SERGEF: variants seen among roughly 807,000 people sequenced by gnomAD.
SERGEF encodes secretion-regulating guanine nucleotide exchange factor.
In SERGEF, 51 loss-of-function variants were observed where a neutral mutation model predicts 50.0. The ratio of observed to expected loss-of-function variants is 1.02; its 90% CI spans 0.81 to 1.29. SERGEF has a LOEUF of 1.29. Ranked by LOEUF, SERGEF falls within the 50% of genes most tolerant of loss-of-function variation. The pLI is 0.00. For missense variants in SERGEF, 521 were observed against 557.0 expected, an observed-to-expected ratio of 0.94 and a Z score of 0.65; for synonymous variants, 205 against 212.4, an observed-to-expected ratio of 0.97 and a Z score of 0.30.
At chr11:17,879,618 G>A (rs1851303113) in intron 9 of SERGEF, among the ~76,000 whole-genome samples, 1 of 152,210 alleles carries the variant, frequency 6.6e-6, no homozygotes, top group African/African-American at 2.4e-5. Context: ...TTGTCTGTCT[G>A]TGCTTGACTT....
At chr11:17,875,893 G>C (rs1039252937) in intron 10 of SERGEF, among the ~76,000 whole-genome samples, 2 of 152,220 alleles carry the variant, frequency 1.3e-5, no homozygotes, top group African/African-American at 4.8e-5. Flanking sequence ...AAGGGCTAGA[G>C]TTCAGGGAAT....
chr11:18,013,046 G>A lies in SERGEF; in HGVS notation c.-36C>T, dbSNP rs560481318. The A allele has an allele frequency of 1.3e-4, 179 of 1,327,004 alleles. No individual in the cohort carries two copies. The highest frequency in any genetic ancestry group is 1.6e-4 in the Non-Finnish European group (169 of 1,045,368). 82.2% of individuals were successfully genotyped at this position (1,327,004 alleles called of 1,614,324 possible). A position where few individuals can be genotyped will look rare whatever the true frequency, so the allele number is the denominator to read the frequency against. On this transcript the variant is annotated 5_prime_UTR_variant, in exon 1 of 11. Transcript: ENST00000265965. This position sits in a 1 kb window ranked among gnomAD's most constrained non-coding sequence, Gnocchi z 4.3. ...TCCGCCGGCGCTTCCGGGAGGGACG[G>A]CACGGGGGCGGCGCCTGCCGGGGGT...
chr11:17,881,452 C>G (rs473868), intron 9 of SERGEF, among the ~76,000 whole-genome samples: 105,165 of 152,180 alleles, frequency 0.69, 37,147 homozygotes, highest in African/African-American at 0.83. Flanking sequence ...GAGGTCAGGA[C>G]ACTGAACACC....
intron 10 of SERGEF, among the ~76,000 whole-genome samples, chr11:17,815,878 C>T (rs1246319931): frequency 2.0e-5 from 3 of 151,110 alleles, no homozygotes; most frequent in Non-Finnish European, 4.4e-5. Context: ...TCCCAGATTG[C>T]GCCACTGCAC....
chr11:17,916,022 A>T (rs952253717), intron 9 of SERGEF, among the ~76,000 whole-genome samples: 1 of 152,242 alleles, frequency 6.6e-6, no homozygotes, highest in Non-Finnish European at 1.5e-5. Context: ...GTGGGCAAAC[A>T]AACTGGCCTG....
intron 10 of SERGEF, among the ~76,000 whole-genome samples, chr11:17,790,605 G>A (rs1398124878): frequency 2.0e-5 from 3 of 152,086 alleles, no homozygotes; most frequent in African/African-American, 7.2e-5. Context: ...AGACAGTATT[G>A]CAATGAAAGT....
At chr11:17,826,752 G>A (rs894815982) in intron 10 of SERGEF, among the ~76,000 whole-genome samples, 3 of 152,200 alleles carry the variant, frequency 2.0e-5, no homozygotes, top group Non-Finnish European at 4.4e-5. Context: ...CCAGGGCTGT[G>A]AGGAATCTAA....
At chr11:17,803,367 T>C (rs1209908920) in intron 10 of SERGEF, among the ~76,000 whole-genome samples, 3 of 152,224 alleles carry the variant, frequency 2.0e-5, no homozygotes, top group Non-Finnish European at 2.9e-5. Flanking sequence ...CTCTGCTTTC[T>C]GAGATGAAGG....
chr11:17,821,056 G>C (rs1850071624), intron 10 of SERGEF, among the ~76,000 whole-genome samples: 1 of 152,150 alleles, frequency 6.6e-6, no homozygotes, highest in Non-Finnish European at 1.5e-5. Flanking sequence ...CACAGAGAAG[G>C]CCACGTGAAG....
intron 5 of SERGEF, among the ~76,000 whole-genome samples, chr11:17,998,026 CG>C (rs1853873670): frequency 6.6e-6 from 1 of 151,808 alleles, no homozygotes; most frequent in Admixed American, 6.6e-5. Flanking sequence ...CTGTAAACTA[CG>C]TATATTTTAC....
intron 8 of SERGEF, among the ~76,000 whole-genome samples, chr11:17,968,619 G>C (rs1463668662): frequency 6.6e-6 from 1 of 151,638 alleles, no homozygotes; most frequent in Non-Finnish European, 1.5e-5. Flanking sequence ...TGGAAAGATT[G>C]CTTAAGCCTA....
intron 9 of SERGEF, among the ~76,000 whole-genome samples, chr11:17,945,583 T>G (rs1228817102): frequency 6.6e-6 from 1 of 152,240 alleles, no homozygotes; most frequent in Non-Finnish European, 1.5e-5. Context: ...TGGACAGCAC[T>G]GATCCATACA....
intron 10 of SERGEF, chr11:17,853,433 A>T (rs758644558): frequency 1.3e-5 from 2 of 152,230 alleles, no homozygotes; most frequent in African/African-American, 4.8e-5. Context: ...GGGTTGAGGA[A>T]GAGCACACAG....
chr11:17,998,790 C>T (rs1174005372), intron 5 of SERGEF, among the ~76,000 whole-genome samples: 2 of 148,694 alleles, frequency 1.3e-5, no homozygotes, highest in Non-Finnish European at 3.0e-5. Flanking sequence ...CAAAAAAGGC[C>T]ATGCAAGAAC....
At chr11:17,893,612 A>G (rs1428713455) in intron 9 of SERGEF, among the ~76,000 whole-genome samples, 1 of 152,176 alleles carries the variant, frequency 6.6e-6, no homozygotes, top group African/African-American at 2.4e-5. Context: ...GCTATTTCAT[A>G]GTTCAGCTGG....
chr11:18,000,560 G>A lies in SERGEF; in HGVS notation c.448-3C>T, dbSNP rs753639119. On this transcript the variant is annotated splice_region_variant and splice_polypyrimidine_tract_variant and intron_variant, in intron 4 of 10. Transcript: ENST00000265965. Reference sequence around the variant, plus strand: ...CAAACAACCTTCTCTTTATGGAGCTGTCAAAATAAAGAAAAGGATTTAGAT... The same window carrying A: ...CAAACAACCTTCTCTTTATGGAGCTATCAAAATAAAGAAAAGGATTTAGAT... The A allele has an allele frequency of 1.1e-5, 17 of 1,577,852 alleles. No homozygotes were observed. The highest frequency in any genetic ancestry group is 1.5e-5 in the Non-Finnish European group (17 of 1,166,344).
intron 10 of SERGEF, among the ~76,000 whole-genome samples, chr11:17,801,235 C>T (rs2133825986): frequency 6.6e-6 from 1 of 151,200 alleles, no homozygotes; most frequent in Admixed American, 6.6e-5. Context: ...CAAGGGGAAG[C>T]AGGGCCTTGG....
intron 1 of SERGEF, chr11:18,012,731 C>A (rs1854223199): frequency 1.5e-6 from 2 of 1,347,816 alleles, no homozygotes; most frequent in Admixed American, 4.7e-5. Flanking sequence ...GCCCTGACCC[C>A]GCCAGCCGGC....
chr11:18,012,631 C>G (rs1212606459), intron 1 of SERGEF: 3 of 1,180,494 alleles, frequency 2.5e-6, no homozygotes, highest in African/African-American at 3.3e-5. Context: ...TCCGCGCTGT[C>G]TTCCAGGCGC....
Sources: allele counts gnomAD v4.1 joint callset (sites outside exome capture counted in the v4.1 genomes callset), GRCh38; gene constraint gnomAD v4.1.1; non-coding constraint Gnocchi (gnomAD v3.1); transcripts MANE v1.5; gene names NCBI Gene and HGNC (gene_info 2026-07-23, HGNC 2026-07-21).